NR2F1-AS1: variants seen among roughly 807,000 people sequenced by gnomAD.
NR2F1-AS1 encodes the protein NR2F1 antisense RNA 1.
chr5:93,554,426 A>C (rs1430572305), intron 3 of NR2F1-AS1, among the ~76,000 whole-genome samples: 1 of 152,208 alleles, frequency 6.6e-6, no homozygotes, highest in Non-Finnish European at 1.5e-5. Flanking sequence ...GAGGTTTTAC[A>C]ATAAAATAGT....
intron 4 of NR2F1-AS1, among the ~76,000 whole-genome samples, chr5:93,475,871 T>C (rs761508391): frequency 9.9e-5 from 15 of 152,190 alleles, no homozygotes; most frequent in Non-Finnish European, 2.2e-4. Context: ...TCCACATCAT[T>C]AAATTAAGCA....
At chr5:93,571,882 G>A (rs1390889627) in intron 1 of NR2F1-AS1, among the ~76,000 whole-genome samples, 2 of 151,982 alleles carry the variant, frequency 1.3e-5, no homozygotes, top group African/African-American at 4.8e-5. Flanking sequence ...TTCATTTTAG[G>A]ATTTGTGTGA....
Position 93,463,878 on chromosome 5 carries a change from A to G in NR2F1-AS1, n.639-68336T>C, listed in dbSNP as rs569537790. Among the ~76,000 whole-genome samples the G allele has an allele frequency of 3.2e-4, 49 of 152,226 alleles. 1 individual carries two copies. In the South Asian group the frequency reaches 8.9e-3, roughly 28 times the overall value. ...CCCCATTGGATCTAGAAAGTAACTA[A>G]CTTGCTTTTGATTTTACAGGCTCAT... On this transcript the variant is annotated intron_variant and non_coding_transcript_variant, in intron 4 of 5. Coordinates refer to ENST00000660523, the Ensembl canonical transcript of NR2F1-AS1.
chr5:93,550,569 C>T (rs1038674959), intron 4 of NR2F1-AS1, among the ~76,000 whole-genome samples: 8 of 152,212 alleles, frequency 5.3e-5, no homozygotes, highest in Non-Finnish European at 1.2e-4. Flanking sequence ...ACTGCCCAGG[C>T]AGCCTATAGA....
At chr5:93,488,262 C>T (rs906834995) in intron 4 of NR2F1-AS1, among the ~76,000 whole-genome samples, 1 of 152,248 alleles carries the variant, frequency 6.6e-6, no homozygotes, top group Middle Eastern at 3.4e-3. Flanking sequence ...AACTAAAGAG[C>T]TTCTGCATAG....
chr5:93,523,639 A>C (rs1167908917), intron 4 of NR2F1-AS1, among the ~76,000 whole-genome samples: 1 of 152,176 alleles, frequency 6.6e-6, no homozygotes, highest in Non-Finnish European at 1.5e-5. Context: ...CTCTGGGACG[A>C]AGCTTCCAGA....
chr5:93,569,472 C>T (rs1186552845), intron 1 of NR2F1-AS1, among the ~76,000 whole-genome samples: 2 of 152,226 alleles, frequency 1.3e-5, no homozygotes, highest in African/African-American at 2.4e-5. Context: ...TGCTGTGCTT[C>T]AGCGTTTCCC....
chr5:93,486,191 C>T (rs1205294618), intron 4 of NR2F1-AS1, among the ~76,000 whole-genome samples: 2 of 147,434 alleles, frequency 1.4e-5, no homozygotes, highest in African/African-American at 2.5e-5. Flanking sequence ...TGCAGCGCAC[C>T]AGCATGGCAC....
chr5:93,413,245 T>A (rs1321876875), intron 4 of NR2F1-AS1, among the ~76,000 whole-genome samples: 1 of 151,090 alleles, frequency 6.6e-6, no homozygotes, highest in African/African-American at 2.4e-5. Context: ...TATATATATA[T>A]GCTGATCTCT....
intron 4 of NR2F1-AS1, among the ~76,000 whole-genome samples, chr5:93,523,637 C>T (rs1215272976): frequency 2.0e-5 from 3 of 152,132 alleles, no homozygotes; most frequent in Non-Finnish European, 2.9e-5. Flanking sequence ...CCCTCTGGGA[C>T]GAAGCTTCCA....
At chr5:93,416,623 T>G (rs1748973497) in intron 4 of NR2F1-AS1, among the ~76,000 whole-genome samples, 1 of 152,180 alleles carries the variant, frequency 6.6e-6, no homozygotes. Context: ...AAAACAGTCC[T>G]GGAGCAGGTA....
At chr5:93,584,757 G>A (rs958623187), upstream of NR2F1-AS1, 2 of 151,342 alleles carry the variant, frequency 1.3e-5, no homozygotes, top group African/African-American at 4.9e-5. Context: ...AAAACAGCAG[G>A]AACCACAACA....
chr5:93,486,252 T>G (rs1750714195), intron 4 of NR2F1-AS1, among the ~76,000 whole-genome samples: 2 of 148,040 alleles, frequency 1.4e-5, no homozygotes, highest in South Asian at 4.3e-4. Context: ...ACCCTAAAAC[T>G]TAAAGTATAA....
At chr5:93,561,214 G>A (rs6893236) in intron 2 of NR2F1-AS1, among the ~76,000 whole-genome samples, 3,148 of 148,298 alleles carry the variant, frequency 0.021, 125 homozygotes, top group African/African-American at 0.079. Context: ...CAGAGGTTGC[G>A]GTAAGCCGAG....
chr5:93,516,921 T>C (rs1367917088), intron 4 of NR2F1-AS1, among the ~76,000 whole-genome samples: 2 of 151,878 alleles, frequency 1.3e-5, no homozygotes, highest in Non-Finnish European at 2.9e-5. Context: ...CAACAATAAA[T>C]TTACTAGAAT....
intron 4 of NR2F1-AS1, among the ~76,000 whole-genome samples, chr5:93,509,609 G>A (rs1580288352): frequency 6.6e-6 from 1 of 151,800 alleles, no homozygotes; most frequent in African/African-American, 2.4e-5. Context: ...GGATGTGAAG[G>A]AACTCAAGAG....
chr5:93,525,257 CAAAG>C lies in NR2F1-AS1; in HGVS notation n.638+28500_638+28503del, dbSNP rs138565570. ...TTAAATCAACAAAGATCAAAAAAGA[CAAAG>C]AAGGGCATTACATAATGGTAAAAGA... On this transcript the variant is annotated intron_variant and non_coding_transcript_variant, in intron 4 of 5. Transcript: ENST00000660523. Among the ~76,000 whole-genome samples, 552 of 152,068 alleles carry C rather than the reference CAAAG, an allele frequency of 3.6e-3. 1 individual carries two copies. Among genetic ancestry groups the C allele is most frequent in the Non-Finnish European group, 5.5e-3 (372 of 67,986 alleles).
chr5:93,411,005 A>C (rs1338820565), intron 4 of NR2F1-AS1: 1 of 152,204 alleles, frequency 6.6e-6, no homozygotes, highest in Non-Finnish European at 1.5e-5. Context: ...AAAGAGACTT[A>C]AAACACAGAA....
chr5:93,572,861 G>A (rs940987160), intron 1 of NR2F1-AS1, among the ~76,000 whole-genome samples: 2 of 152,240 alleles, frequency 1.3e-5, no homozygotes, highest in African/African-American at 4.8e-5. Context: ...CCCGTTTCAG[G>A]CAGATGTTGT....
Sources: allele counts gnomAD v4.1 joint callset (sites outside exome capture counted in the v4.1 genomes callset), GRCh38; gene constraint gnomAD v4.1.1; transcripts MANE v1.5; gene names NCBI Gene and HGNC (gene_info 2026-07-23, HGNC 2026-07-21).